Variants in DENND1B observed in about 807,000 individuals in gnomAD.
DENND1B encodes the protein DENN domain containing 1B, also known as DENN domain-containing protein 1B.
DENND1B carries 59 observed loss-of-function variants against 90.1 expected under a neutral mutation model. The observed-to-expected ratio is 0.65, with a 90% CI of 0.53 to 0.81. The LOEUF (loss-of-function observed/expected upper bound fraction) is 0.81. DENND1B is among the 40% of genes least tolerant of loss of function. DENND1B has a pLI of 0.00. For missense variants in DENND1B, 862 were observed against 912.6 expected, an observed-to-expected ratio of 0.94 and a Z score of 0.71; for synonymous variants, 337 against 324.6, an observed-to-expected ratio of 1.04 and a Z score of -0.41.
intron 2 of DENND1B, among the ~76,000 whole-genome samples, chr1:197,746,172 A>G (rs1177259623): frequency 6.6e-6 from 1 of 152,344 alleles, no homozygotes; most frequent in East Asian, 1.9e-4. Context: ...CAGATGGATC[A>G]TATCAGGCCA....
chr1:197,683,635 A>G (rs1371245017), intron 3 of DENND1B, among the ~76,000 whole-genome samples: 1 of 152,220 alleles, frequency 6.6e-6, no homozygotes, highest in East Asian at 1.9e-4. Flanking sequence ...AAGAGATATT[A>G]GTATTGTATT....
Position 197,665,031 on chromosome 1 carries a change from C to T in DENND1B, c.297-6662G>A, listed in dbSNP as rs184710628. Among the ~76,000 whole-genome samples, 183 of 152,114 alleles carry T rather than the reference C, an allele frequency of 1.2e-3. 1 individual carries two copies. The highest frequency in any genetic ancestry group is 4.2e-3 in the African/African-American group (176 of 41,522). ...AAACAATTCTAAATACAAACAATTG[C>T]CAGATTTAAATTAGTAATATCTCAG... On this transcript the variant is annotated intron_variant, in intron 5 of 22. Coordinates refer to ENST00000620048, the MANE Select transcript of DENND1B (RefSeq NM_001195215.2).
At chr1:197,585,743 C>G (rs950125649) in intron 14 of DENND1B, among the ~76,000 whole-genome samples, 2 of 152,122 alleles carry the variant, frequency 1.3e-5, no homozygotes, top group Non-Finnish European at 2.9e-5. Context: ...AAAAATAAGT[C>G]TTTATTAATA....
At chr1:197,622,531 A>G (rs939863499) in intron 10 of DENND1B, among the ~76,000 whole-genome samples, 9 of 151,442 alleles carry the variant, frequency 5.9e-5, no homozygotes, top group Non-Finnish European at 1.0e-4. Flanking sequence ...TGTATAATAG[A>G]GAATGCATCT....
At chr1:197,735,579 G>C in intron 2 of DENND1B, 1 of 1,614,008 alleles carries the variant, frequency 6.2e-7, no homozygotes, top group African/African-American at 1.3e-5. Flanking sequence ...ATTCTAAAGG[G>C]TATTACTCGA....
At chr1:197,688,092 C>T (rs1460113899) in intron 3 of DENND1B, among the ~76,000 whole-genome samples, 2 of 151,936 alleles carry the variant, frequency 1.3e-5, no homozygotes, top group African/African-American at 4.8e-5. Flanking sequence ...GAATAAAATA[C>T]TTAGGAATAA....
intron 2 of DENND1B, chr1:197,735,125 C>T: frequency 1.0e-6 from 1 of 960,222 alleles, no homozygotes; most frequent in Non-Finnish European, 1.2e-6. Context: ...TTGGTTAAAT[C>T]TATATTATAT....
chr1:197,522,231 G>A (rs1668828810), intron 20 of DENND1B, among the ~76,000 whole-genome samples: 1 of 152,016 alleles, frequency 6.6e-6, no homozygotes, highest in East Asian at 1.9e-4. Context: ...ACGTGTCAGG[G>A]CAAAAAGGCA....
intron 2 of DENND1B, among the ~76,000 whole-genome samples, chr1:197,721,828 T>C (rs913010141): frequency 2.0e-5 from 3 of 152,138 alleles, no homozygotes; most frequent in African/African-American, 7.2e-5. Context: ...ATACTACTGA[T>C]ACTATAATTC....
At chr1:197,648,531 C>T (rs966485444) in intron 7 of DENND1B, among the ~76,000 whole-genome samples, 4 of 152,092 alleles carry the variant, frequency 2.6e-5, no homozygotes, top group Non-Finnish European at 5.9e-5. Context: ...TCATTAATGC[C>T]ACCTCCATTG....
intron 2 of DENND1B, among the ~76,000 whole-genome samples, chr1:197,746,052 C>T (rs1267156149): frequency 6.6e-6 from 1 of 152,138 alleles, no homozygotes; most frequent in Non-Finnish European, 1.5e-5. Flanking sequence ...AACTGTTAAT[C>T]TTAAAAACAC....
intron 2 of DENND1B, among the ~76,000 whole-genome samples, chr1:197,752,526 G>A (rs1373617771): frequency 6.6e-6 from 1 of 151,952 alleles, no homozygotes; most frequent in East Asian, 1.9e-4. Context: ...AGATGTAATT[G>A]TAATAAAGCA....
intron 3 of DENND1B, among the ~76,000 whole-genome samples, chr1:197,675,722 T>G (rs1344289089): frequency 1.3e-5 from 2 of 152,180 alleles, no homozygotes; most frequent in African/African-American, 4.8e-5. Flanking sequence ...ATTCACCATT[T>G]TTACTATACA....
chr1:197,705,254 C>T (rs1010310192), intron 3 of DENND1B, among the ~76,000 whole-genome samples: 3 of 152,058 alleles, frequency 2.0e-5, no homozygotes, highest in Admixed American at 2.0e-4. Flanking sequence ...TATAGCAAAA[C>T]AATTATTCAA....
At chr1:197,645,773 A>C in intron 8 of DENND1B, 30 bp from the exon 9 acceptor site, 1 of 1,422,768 alleles carries the variant, frequency 7.0e-7, no homozygotes, top group East Asian at 2.5e-5. Context: ...CACATATGAA[A>C]AAGATAATTA....
At position 197,505,676 on chromosome 1, in the gene DENND1B, G is replaced by T. The variant is rs921724821; in HGVS notation, c.*4784C>A. ...AAGTATAATAAAGTAGAAATCTATA[G>T]AAGCTCTAAGATTAAACAAACTGTA... On this transcript the variant is annotated 3_prime_UTR_variant, in exon 23 of 23. Coordinates refer to ENST00000620048, the MANE Select transcript of DENND1B (RefSeq NM_001195215.2). 3 of 148,526 alleles carry T rather than the reference G, an allele frequency of 2.0e-5. No individual in the cohort carries two copies. The highest frequency in any genetic ancestry group is 4.5e-5 in the Non-Finnish European group (3 of 66,712). The allele number at this position is 148,526 out of a possible 1,614,324, so 9.2% of individuals were successfully genotyped here.
chr1:197,633,208 A>G (rs1185543402), intron 10 of DENND1B, among the ~76,000 whole-genome samples: 2 of 152,190 alleles, frequency 1.3e-5, no homozygotes, highest in Admixed American at 1.3e-4. Context: ...CATTTGTAAA[A>G]AATGATAGTT....
At chr1:197,629,145 A>C (rs549148065) in intron 10 of DENND1B, among the ~76,000 whole-genome samples, 5 of 152,176 alleles carry the variant, frequency 3.3e-5, no homozygotes, top group African/African-American at 9.7e-5. Flanking sequence ...TAGAACCAGA[A>C]ATACCATTTG....
In DENND1B at chr1:197,505,390, GAAATA is replaced by G. The variant is rs900243477; in HGVS notation, c.*5065_*5069del. 2 of 151,474 alleles carry G rather than the reference GAAATA, an allele frequency of 1.3e-5. No individual in the cohort carries two copies. The highest frequency in any genetic ancestry group is 4.8e-5 in the African/African-American group (2 of 41,310). The allele number at this position is 151,474 out of a possible 1,614,324, so 9.4% of individuals were successfully genotyped here. A position where few individuals can be genotyped will look rare whatever the true frequency, so the allele number is the denominator to read the frequency against. ...TCAACAAGGCTCACATTTGAGAAAT[GAAATA>G]ACAGAGATGAATAGACTTATAGGTT... On this transcript the variant is annotated 3_prime_UTR_variant, in exon 23 of 23. Transcript: ENST00000620048.
Sources: allele counts gnomAD v4.1 joint callset (sites outside exome capture counted in the v4.1 genomes callset), GRCh38; gene constraint gnomAD v4.1.1; transcripts MANE v1.5; gene names NCBI Gene and HGNC (gene_info 2026-07-23, HGNC 2026-07-21).